Variants in GBP4 observed in about 807,000 individuals in gnomAD.
The protein encoded by GBP4 is guanylate-binding protein 4.
GBP4 carries 69 observed loss-of-function variants against 62.2 expected under a neutral mutation model. The observed-to-expected ratio is 1.11, with a 90% CI of 0.91 to 1.36. The LOEUF (loss-of-function observed/expected upper bound fraction) is 1.36. GBP4 is among the 40% of genes most tolerant of loss of function. The probability of loss-of-function intolerance (pLI) is 0.00; values close to 1 mark genes in which losing one functional copy is unlikely to be tolerated. For synonymous variants in GBP4, 278 were observed against 274.6 expected (o/e 1.01, Z -0.12); for missense variants, 697 against 759.3 (o/e 0.92, Z 0.96).
intron 3 of GBP4, 73 bp from the exon 4 acceptor site, chr1:89,193,485 T>C: frequency 7.5e-6 from 10 of 1,340,590 alleles, no homozygotes; most frequent in Non-Finnish European, 1.1e-5. Context: ...GGTTGTTCAT[T>C]AGCTATTTCA....
intron 3 of GBP4, among the ~76,000 whole-genome samples, chr1:89,194,997 C>T (rs377713830): frequency 7.2e-5 from 11 of 152,164 alleles, no homozygotes; most frequent in African/African-American, 2.7e-4. Flanking sequence ...CACAACTAGG[C>T]TCTTGGCCTT....
chr1:89,198,894 C>G lies in GBP4; in HGVS notation c.-60G>C. 1 of 1,520,130 alleles carries G rather than the reference C, an allele frequency of 6.6e-7. No homozygotes were observed. Among genetic ancestry groups the G allele is most frequent in the South Asian group, 1.1e-5 (1 of 89,260 alleles). 94.2% of individuals were successfully genotyped at this position (1,520,130 alleles called of 1,614,324 possible). On this transcript the variant is annotated 5_prime_UTR_variant, in exon 1 of 11. Coordinates refer to ENST00000355754, the MANE Select transcript of GBP4 (RefSeq NM_052941.5). Reference sequence around the variant, plus strand: ...CGGACTGTTCTTAGAAGCTGAAAGTCCAGCCGGATTTACAGACATCCAAGT... The same window carrying G: ...CGGACTGTTCTTAGAAGCTGAAAGTGCAGCCGGATTTACAGACATCCAAGT...
intron 1 of GBP4, among the ~76,000 whole-genome samples, chr1:89,198,062 G>T (rs1648394614): frequency 6.6e-6 from 1 of 152,098 alleles, no homozygotes; most frequent in African/African-American, 2.4e-5. Flanking sequence ...CAGAAGTAAA[G>T]TAGGCAAAAA....
intron 10 of GBP4, among the ~76,000 whole-genome samples, chr1:89,185,849 C>T (rs1403770274): frequency 6.6e-6 from 1 of 152,176 alleles, no homozygotes; most frequent in Non-Finnish European, 1.5e-5. Context: ...GGTTGTCAAG[C>T]TTCAGGTTGG....
rs533331683 is a variant in GBP4 at position 89,184,854 on chromosome 1, A to G, written c.*400T>C. 43 of 156,418 alleles carry G rather than the reference A, an allele frequency of 2.7e-4. No individual in the cohort carries two copies. Among genetic ancestry groups the G allele is most frequent in the Middle Eastern group, 3.2e-3 (1 of 310 alleles). The allele number at this position is 156,418 out of a possible 1,614,324, so 9.7% of individuals were successfully genotyped here. The stretch of plus-strand genomic sequence containing the variant: ...ACATATACCCCTGAATCTAAAATAA[A>G]AGTTAAAAAAATTAAAAATTGTGGA... On this transcript the variant is annotated 3_prime_UTR_variant, in exon 11 of 11. Coordinates refer to ENST00000355754, the MANE Select transcript of GBP4 (RefSeq NM_052941.5).
At chr1:89,185,495 T>A in intron 10 of GBP4, 26 bp from the exon 11 acceptor site, 1 of 1,245,596 alleles carries the variant, frequency 8.0e-7, no homozygotes, top group Non-Finnish European at 1.2e-6. Context: ...AGTCCACTTT[T>A]GAAAATCTCC....
At chr1:89,198,613 C>G in intron 1 of GBP4, 182 bp downstream of exon 1, 1 of 623,670 alleles carries the variant, frequency 1.6e-6, no homozygotes, top group Non-Finnish European at 2.9e-6. Context: ...CTGGGCCACA[C>G]GGAGCAAAGC....
At chr1:89,197,054 CA>C (rs1648361003) in intron 2 of GBP4, 55 bp downstream of exon 2, 1 of 1,462,020 alleles carries the variant, frequency 6.8e-7, no homozygotes, top group Non-Finnish European at 9.3e-7. Context: ...GGGGTGTGAT[CA>C]GCTGTGTTAT....
rs553027168 is a variant in GBP4 at position 89,197,679 on chromosome 1, A to G, written c.41-375T>C. The stretch of plus-strand genomic sequence containing the variant: ...CACTCCTGGAATAAATAGGGGCAGG[A>G]TGTTACAAAAAGGAGATGAGGAGTG... On this transcript the variant is annotated intron_variant, in intron 1 of 10. Transcript: ENST00000355754. 6.6e-5 allele frequency among the ~76,000 whole-genome samples: 10 copies of G among 152,320 alleles called. No individual in the cohort carries two copies. In the East Asian group the frequency reaches 1.2e-3, roughly 18 times the overall value.
rs1557471455 is a variant in GBP4 at position 89,183,389 on chromosome 1, C to CA, written c.*1864dup. The CA allele has an allele frequency of 6.6e-6, 1 of 152,038 alleles. No homozygotes were observed. The highest frequency in any genetic ancestry group is 2.4e-5 in the African/African-American group (1 of 41,390). The allele number at this position is 152,038 out of a possible 1,614,324, so 9.4% of individuals were successfully genotyped here. On this transcript the variant is annotated 3_prime_UTR_variant, in exon 11 of 11. Transcript: ENST00000355754. ...CTGGGCCCCCAGCTTACTCTGCATACAAAAATCAACTTAAGAAGGATTAAA... is the reference window on the plus strand; with the variant it reads ...CTGGGCCCCCAGCTTACTCTGCATACAAAAAATCAACTTAAGAAGGATTAAA...
At chr1:89,191,603 C>A in intron 5 of GBP4, 97 bp from the exon 6 acceptor site, 2 of 1,222,278 alleles carry the variant, frequency 1.6e-6, no homozygotes, top group South Asian at 1.5e-5. Context: ...TGCAGCTCCC[C>A]TGCCTTGTAA....
In GBP4 at chr1:89,184,427, C is replaced by T. The variant is rs541838521; in HGVS notation, c.*827G>A. 4 of 152,232 alleles carry T rather than the reference C, an allele frequency of 2.6e-5. No homozygotes were observed. The highest frequency in any genetic ancestry group is 9.6e-5 in the African/African-American group (4 of 41,542). The allele number at this position is 152,232 out of a possible 1,614,324, so 9.4% of individuals were successfully genotyped here. ...TCCATTGCAGCACTGTTCACAATAGCAAAGATAAGGAATCAACCTAAATGT... is the reference window on the plus strand; with the variant it reads ...TCCATTGCAGCACTGTTCACAATAGTAAAGATAAGGAATCAACCTAAATGT... On this transcript the variant is annotated 3_prime_UTR_variant, in exon 11 of 11. Coordinates refer to ENST00000355754, the MANE Select transcript of GBP4 (RefSeq NM_052941.5).
intron 2 of GBP4, among the ~76,000 whole-genome samples, chr1:89,196,781 T>C (rs577448367): frequency 5.9e-5 from 9 of 152,180 alleles, no homozygotes; most frequent in Non-Finnish European, 1.2e-4. Flanking sequence ...ACTATATTTG[T>C]GTGCTATTTG....
In GBP4 at chr1:89,195,236, G is replaced by T. The variant is rs982255115; in HGVS notation, c.363+61C>A. The T allele has an allele frequency of 1.5e-5, 23 of 1,569,216 alleles. No individual in the cohort carries two copies. In the African/African-American group the frequency reaches 2.4e-4, roughly 17 times the overall value. ...ACAGAGATATGTACAGAAGTTGAAGGGAGCTGAAAAAATTAAAAGATGAGA... is the reference window on the plus strand; with the variant it reads ...ACAGAGATATGTACAGAAGTTGAAGTGAGCTGAAAAAATTAAAAGATGAGA... On this transcript the variant is annotated intron_variant, in intron 3 of 10. Coordinates refer to ENST00000355754, the MANE Select transcript of GBP4 (RefSeq NM_052941.5).
intron 10 of GBP4, 114 bp downstream of exon 10, chr1:89,186,219 A>C: frequency 1.3e-6 from 1 of 788,674 alleles, no homozygotes; most frequent in Non-Finnish European, 2.1e-6. Flanking sequence ...AGTGAAACAT[A>C]CAACTTTTGT....
At position 89,198,901 on chromosome 1, in the gene GBP4, G is replaced by C. The variant is rs994521593; in HGVS notation, c.-67C>G. ...TTCTTAGAAGCTGAAAGTCCAGCCG[G>C]ATTTACAGACATCCAAGTAAGAGTC... On this transcript the variant is annotated 5_prime_UTR_variant, in exon 1 of 11. It adds an upstream start codon to the 5' untranslated region. Transcript: ENST00000355754. 4.2e-6 allele frequency: 6 copies of C among 1,443,880 alleles called. No homozygotes were observed. Among genetic ancestry groups the C allele is most frequent in the East Asian group, 2.3e-5 (1 of 44,042 alleles). The allele number at this position is 1,443,880 out of a possible 1,614,324, so 89.4% of individuals were successfully genotyped here. A position where few individuals can be genotyped will look rare whatever the true frequency, so the allele number is the denominator to read the frequency against.
intron 2 of GBP4, among the ~76,000 whole-genome samples, chr1:89,196,432 G>A (rs1648343644): frequency 6.6e-6 from 1 of 152,170 alleles, no homozygotes; most frequent in Non-Finnish European, 1.5e-5. Flanking sequence ...AAAGAAGTGT[G>A]CCCTGAAAAC....
chr1:89,191,559 G>A (rs1435033787), intron 5 of GBP4, 53 bp from the exon 6 acceptor site: 1 of 1,575,064 alleles, frequency 6.3e-7, no homozygotes, highest in Non-Finnish European at 8.6e-7. Context: ...GCAGGCAAGG[G>A]GGCTGAGGAC....
At position 89,190,662 on chromosome 1, in the gene GBP4, G is replaced by A. The variant is rs746418372; in HGVS notation, c.917-344C>T. 1.9e-4 allele frequency among the ~76,000 whole-genome samples: 29 copies of A among 151,908 alleles called. 1 individual carries two copies. Among genetic ancestry groups the A allele is most frequent in the Non-Finnish European group, 4.0e-4 (27 of 67,980 alleles). On this transcript the variant is annotated intron_variant, in intron 6 of 10. Transcript: ENST00000355754. ...GCAGGGAAAGTAAGTTATATAATTTGTGAGTCCTACTTCCAAATAAAAATG... is the reference window on the plus strand; with the variant it reads ...GCAGGGAAAGTAAGTTATATAATTTATGAGTCCTACTTCCAAATAAAAATG...
Sources: gnomAD v4.1 joint callset for allele counts (sites outside exome capture counted in the v4.1 genomes callset) on GRCh38, gnomAD v4.1.1 for gene constraint, MANE v1.5 for transcripts, NCBI Gene and HGNC (gene_info 2026-07-23, HGNC 2026-07-21) for gene names.